The following EXOC2 variants were observed in gnomAD, a reference collection of about 807,000 sequenced individuals.
The protein encoded by EXOC2 is exocyst complex component 2.
EXOC2 carries 70 observed loss-of-function variants against 131.8 expected under a neutral mutation model. The ratio of observed to expected loss-of-function variants is 0.53; its 90% CI spans 0.44 to 0.65. The LOEUF (loss-of-function observed/expected upper bound fraction) is 0.65, where lower values mean the gene tolerates loss of function less well. EXOC2 is among the 30% of genes least tolerant of loss of function. The pLI, the probability that EXOC2 is intolerant of heterozygous loss-of-function variation, is 0.00. For missense variants in EXOC2, 923 were observed against 1,108.6 expected (o/e 0.83, Z 2.38); for synonymous variants, 411 against 398.4 (o/e 1.03, Z -0.38).
chr6:603,927 C>T (rs1760252713), intron 7 of EXOC2, among the ~76,000 whole-genome samples: 1 of 152,172 alleles, frequency 6.6e-6, no homozygotes, highest in South Asian at 2.1e-4. Flanking sequence ...ACTGGACATA[C>T]AATAATGACA....
At chr6:671,313 G>C (rs111701403) in intron 1 of EXOC2, among the ~76,000 whole-genome samples, 28 of 151,404 alleles carry the variant, frequency 1.8e-4, no homozygotes, top group African/African-American at 6.3e-4. Context: ...GCCGAGCCTG[G>C]GTGACAGAGT....
At chr6:554,382 C>T (rs1757308189) in intron 20 of EXOC2, among the ~76,000 whole-genome samples, 1 of 152,022 alleles carries the variant, frequency 6.6e-6, no homozygotes, top group African/African-American at 2.4e-5. Flanking sequence ...GTTAACAGCT[C>T]GAAGAAGGTA....
In EXOC2 at chr6:522,186, T is replaced by A. The variant is rs1171003637; in HGVS notation, c.2380+10283A>T. On this transcript the variant is annotated intron_variant, in intron 23 of 27. Transcript: ENST00000230449. ...CCAGACAGGTGGACCAGCAGGACAG[T>A]GTGTGGTGAGCACTGTGAGCTGGGC... 1.1e-4 allele frequency among the ~76,000 whole-genome samples: 16 copies of A among 152,218 alleles called. No individual in the cohort carries two copies. In the East Asian group the frequency reaches 3.1e-3, roughly 29 times the overall value.
intron 1 of EXOC2, among the ~76,000 whole-genome samples, chr6:658,675 T>TATATATATATA (rs1357332614): frequency 7.1e-6 from 1 of 139,944 alleles, no homozygotes; most frequent in Non-Finnish European, 1.5e-5. Flanking sequence ...ATTTTTTTTT[T>TATATATATATA]TTTTAGACGA....
chr6:640,503 CAT>C (rs1354942683), intron 1 of EXOC2, among the ~76,000 whole-genome samples: 1 of 152,190 alleles, frequency 6.6e-6, no homozygotes, highest in Non-Finnish European at 1.5e-5. Flanking sequence ...TGCCAAATTT[CAT>C]ATGTTAAACC....
At chr6:666,094 CTG>C (rs1233902032) in intron 1 of EXOC2, among the ~76,000 whole-genome samples, 1 of 152,180 alleles carries the variant, frequency 6.6e-6, no homozygotes. Context: ...GTAATAGCAA[CTG>C]AGACCTCATG....
At position 623,462 on chromosome 6, in the gene EXOC2, T is replaced by C. The variant is rs760191131; in HGVS notation, c.423-3919A>G. Among the ~76,000 whole-genome samples the C allele has an allele frequency of 2.0e-4, 31 of 152,250 alleles. 1 individual carries two copies. Among genetic ancestry groups the C allele is most frequent in the Admixed American group, 1.3e-3 (20 of 15,290 alleles). ...ATTGGAAGACATGTATTGAGACTTA[T>C]AGCAGAAATCAGCCTTACAAGAACA... On this transcript the variant is annotated intron_variant, in intron 4 of 27. Coordinates refer to ENST00000230449, the MANE Select transcript of EXOC2 (RefSeq NM_018303.6).
rs574219961 is a variant in EXOC2, at chr6:645,778, C to T, written c.-43-7917G>A. 5.9e-5 allele frequency among the ~76,000 whole-genome samples: 9 copies of T among 152,288 alleles called. No individual in the cohort carries two copies. In the East Asian group the frequency reaches 1.7e-3, roughly 29 times the overall value. The stretch of plus-strand genomic sequence containing the variant: ...AATACAACAGTAGCGATGAGCATAT[C>T]TAACTCCCAAATACCATTTTTCAAT... On this transcript the variant is annotated intron_variant, in intron 1 of 27. Transcript: ENST00000230449.
chr6:599,056 T>C (rs758976525), intron 8 of EXOC2, 24 bp downstream of exon 8: 2 of 1,589,698 alleles, frequency 1.3e-6, no homozygotes, highest in Non-Finnish European at 1.7e-6. Flanking sequence ...CAACCATATG[T>C]AAATAAATAA....
At chr6:537,444 G>A (rs1766532373) in intron 22 of EXOC2, among the ~76,000 whole-genome samples, 1 of 151,768 alleles carries the variant, frequency 6.6e-6, no homozygotes, top group Non-Finnish European at 1.5e-5. Flanking sequence ...GGCCGACGGA[G>A]CGTACACTCG....
chr6:689,814 TAACAC>T (rs1764833432), intron 1 of EXOC2, among the ~76,000 whole-genome samples: 1 of 152,238 alleles, frequency 6.6e-6, no homozygotes, highest in African/African-American at 2.4e-5. Context: ...ATATTGTCCC[TAACAC>T]AACACAAGTG....
At position 590,646 on chromosome 6, in the gene EXOC2, C is replaced by A. The variant is rs538694764; in HGVS notation, c.1192+1823G>T. On this transcript the variant is annotated intron_variant, in intron 11 of 27. Transcript: ENST00000230449. The stretch of plus-strand genomic sequence containing the variant: ...CGTAAGAGCAATCCTAAGGACATTT[C>A]TCTTTCATCTTCTGCTTCATCTTGG... Among the ~76,000 whole-genome samples, 193 of 152,300 alleles carry A rather than the reference C, an allele frequency of 1.3e-3. 1 individual carries two copies. Among genetic ancestry groups the A allele is most frequent in the African/African-American group, 4.3e-3 (180 of 41,554 alleles).
chr6:635,349 T>C (rs1190719730), intron 2 of EXOC2, among the ~76,000 whole-genome samples: 2 of 152,160 alleles, frequency 1.3e-5, no homozygotes, highest in South Asian at 2.1e-4. Flanking sequence ...CCTAGAACAA[T>C]AGCTTATTCA....
chr6:559,568 G>A (rs371845327), intron 17 of EXOC2, among the ~76,000 whole-genome samples: 8 of 152,076 alleles, frequency 5.3e-5, no homozygotes, highest in Non-Finnish European at 8.8e-5. Flanking sequence ...CAGTTCTTTC[G>A]TCCCTGCAGA....
At chr6:600,423 C>T (rs9405836) in intron 7 of EXOC2, among the ~76,000 whole-genome samples, 145,007 of 152,300 alleles carry the variant, frequency 0.95, 69,123 homozygotes, top group East Asian at 1. Flanking sequence ...TCAAAGAAAA[C>T]TATTTTAAAG....
At chr6:494,529 C>T (rs1763608381) in intron 25 of EXOC2, among the ~76,000 whole-genome samples, 1 of 151,206 alleles carries the variant, frequency 6.6e-6, no homozygotes, top group Non-Finnish European at 1.5e-5. Flanking sequence ...CTGATGTATA[C>T]ACCTGTGATG....
At chr6:612,383 A>T (rs1255233380) in intron 6 of EXOC2, among the ~76,000 whole-genome samples, 2 of 152,256 alleles carry the variant, frequency 1.3e-5, no homozygotes, top group African/African-American at 4.8e-5. Flanking sequence ...AGGAAGGGTT[A>T]GTGTAAGATG....
intron 1 of EXOC2, among the ~76,000 whole-genome samples, chr6:681,022 G>A (rs1357509381): frequency 3.3e-5 from 5 of 152,278 alleles, no homozygotes; most frequent in Non-Finnish European, 5.9e-5. Flanking sequence ...TATAAGATGC[G>A]GCTTCTGAGA....
At chr6:543,465 T>C (rs1756670491) in intron 22 of EXOC2, among the ~76,000 whole-genome samples, 1 of 151,802 alleles carries the variant, frequency 6.6e-6, no homozygotes, top group African/African-American at 2.4e-5. Flanking sequence ...GAGGGCAGAG[T>C]GAGGCCAGGA....
Sources: allele counts gnomAD v4.1 joint callset (sites outside exome capture counted in the v4.1 genomes callset), GRCh38; gene constraint gnomAD v4.1.1; transcripts MANE v1.5; gene names NCBI Gene and HGNC (gene_info 2026-07-23, HGNC 2026-07-21).